The following ST6GAL2 variants were observed in gnomAD, a reference collection of about 807,000 sequenced individuals.
ST6GAL2 encodes beta-galactoside alpha-2,6-sialyltransferase 2.
ST6GAL2 carries 24 observed loss-of-function variants against 37.5 expected under a neutral mutation model. That is an observed-to-expected ratio of 0.64 (90% CI 0.46 to 0.90). The LOEUF is 0.90. Ranked by LOEUF, ST6GAL2 falls within the 40% of genes least tolerant of loss-of-function variation. The pLI, the probability that ST6GAL2 is intolerant of heterozygous loss-of-function variation, is 0.00. For synonymous variants in ST6GAL2, 306 were observed against 295.1 expected (o/e 1.04, Z -0.38); for missense variants, 715 against 712.7 (o/e 1.00, Z -0.04).
intron 1 of ST6GAL2, 53 bp downstream of exon 1, chr2:106,886,040 T>C (rs569486622): frequency 1.3e-4 from 20 of 152,352 alleles, no homozygotes; most frequent in African/African-American, 4.6e-4. Context: ...GCGCGGAGGC[T>C]GCAGCGCCAC....
Position 106,845,966 on chromosome 2 carries a change from T to C in ST6GAL2, c.-57-1932A>G, listed in dbSNP as rs1176554454. On this transcript the variant is annotated intron_variant, in intron 1 of 5. Transcript: ENST00000409382. Reference sequence around the variant, plus strand: ...ACATATCCCTAAGCTTAGCCCAGCATGCATCGAGGAAGCCCAAGCTAGGAA... The same window carrying C: ...ACATATCCCTAAGCTTAGCCCAGCACGCATCGAGGAAGCCCAAGCTAGGAA... Among the ~76,000 whole-genome samples, 5 of 152,268 alleles carry C rather than the reference T, an allele frequency of 3.3e-5. No individual in the cohort carries two copies. In the East Asian group the frequency reaches 9.7e-4, roughly 29 times the overall value.
At chr2:106,827,773 C>T (rs748904107) in intron 5 of ST6GAL2, among the ~76,000 whole-genome samples, 2 of 152,166 alleles carry the variant, frequency 1.3e-5, no homozygotes, top group Non-Finnish European at 2.9e-5. Flanking sequence ...AAAAGGTTTC[C>T]TCTTATTCAG....
At chr2:106,831,648 T>G (rs187307174) in intron 4 of ST6GAL2, among the ~76,000 whole-genome samples, 1 of 152,304 alleles carries the variant, frequency 6.6e-6, no homozygotes, top group East Asian at 1.9e-4. Context: ...GATTTTGACT[T>G]GCACTCCTGG....
chr2:106,808,628 C>A (rs935293101), intron 5 of ST6GAL2, among the ~76,000 whole-genome samples: 1 of 152,088 alleles, frequency 6.6e-6, no homozygotes. Flanking sequence ...GGAAGCAGTA[C>A]CCCCCAGATG....
At chr2:106,830,337 G>T in intron 4 of ST6GAL2, 97 bp from the exon 5 acceptor site, 2 of 942,332 alleles carry the variant, frequency 2.1e-6, no homozygotes, top group South Asian at 1.5e-5. Flanking sequence ...GGGCCAGGCT[G>T]GGGCTAGAGG....
intron 1 of ST6GAL2, among the ~76,000 whole-genome samples, chr2:106,871,269 C>T (rs1678256231): frequency 6.6e-6 from 1 of 152,160 alleles, no homozygotes; most frequent in African/African-American, 2.4e-5. Flanking sequence ...AATGGAACTT[C>T]CATGACTAGA....
At chr2:106,813,428 T>C (rs962026873) in intron 5 of ST6GAL2, among the ~76,000 whole-genome samples, 3 of 152,214 alleles carry the variant, frequency 2.0e-5, no homozygotes, top group African/African-American at 7.2e-5. Flanking sequence ...TGGGCACTTA[T>C]TTATTTGCTC....
At chr2:106,829,437 A>G (rs1487716584) in intron 5 of ST6GAL2, among the ~76,000 whole-genome samples, 2 of 152,198 alleles carry the variant, frequency 1.3e-5, no homozygotes, top group African/African-American at 4.8e-5. Context: ...AAGAAAGACT[A>G]TGTGCAGGCA....
chr2:106,843,620 A>AT lies in ST6GAL2; in HGVS notation c.357dup (p.Ser120IlefsTer10). The stretch of plus-strand genomic sequence containing the variant: ...TCCTCCGGGTAGAAAGCACTTTGAG[A>AT]TTTTCTCCCCACCTGGGATGAAAAA... On this transcript the variant is annotated frameshift_variant, in exon 2 of 6. Transcript: ENST00000409382. LOFTEE classifies it high-confidence loss of function. The AT allele has an allele frequency of 6.2e-7, 1 of 1,613,770 alleles. No homozygotes were observed. The highest frequency in any genetic ancestry group is 8.5e-7 in the Non-Finnish European group (1 of 1,179,986).
upstream of ST6GAL2, chr2:106,886,752 C>T (rs555900678): frequency 6.6e-6 from 1 of 152,040 alleles, no homozygotes; most frequent in Non-Finnish European, 1.5e-5. Flanking sequence ...GAGCCGGGCA[C>T]TGGGAAGTTG....
chr2:106,885,675 A>G (rs1309799491), intron 1 of ST6GAL2, among the ~76,000 whole-genome samples: 3 of 152,170 alleles, frequency 2.0e-5, no homozygotes, highest in African/African-American at 7.2e-5. Flanking sequence ...TGCCAACTAC[A>G]TAAGAATTAA....
intron 1 of ST6GAL2, among the ~76,000 whole-genome samples, chr2:106,865,227 A>G (rs529460140): frequency 1.8e-4 from 28 of 152,322 alleles, no homozygotes; most frequent in Admixed American, 5.9e-4. Context: ...AAATCTCCTG[A>G]AAAGGTACAA....
intron 5 of ST6GAL2, among the ~76,000 whole-genome samples, chr2:106,810,936 A>G (rs1675584988): frequency 6.8e-6 from 1 of 147,508 alleles, no homozygotes; most frequent in South Asian, 2.2e-4. Context: ...TCACTGAGCG[A>G]CAGAGTGGCA....
At chr2:106,883,601 G>C (rs1000256991) in intron 1 of ST6GAL2, among the ~76,000 whole-genome samples, 1 of 152,072 alleles carries the variant, frequency 6.6e-6, no homozygotes, top group Admixed American at 6.6e-5. Context: ...TGAGATTTCA[G>C]ATTTCAATGC....
chr2:106,844,770 G>T (rs1261006765), intron 1 of ST6GAL2, among the ~76,000 whole-genome samples: 1 of 152,180 alleles, frequency 6.6e-6, no homozygotes, highest in Non-Finnish European at 1.5e-5. Flanking sequence ...AATAGGAGGA[G>T]AGATGGGGAG....
At chr2:106,879,815 T>C (rs988203686) in intron 1 of ST6GAL2, among the ~76,000 whole-genome samples, 3 of 147,790 alleles carry the variant, frequency 2.0e-5, no homozygotes, top group Non-Finnish European at 4.5e-5. Flanking sequence ...AATTATATAC[T>C]ATTATATATA....
At chr2:106,837,801 C>T (rs1411237081) in intron 2 of ST6GAL2, among the ~76,000 whole-genome samples, 1 of 152,196 alleles carries the variant, frequency 6.6e-6, no homozygotes, top group Non-Finnish European at 1.5e-5. Flanking sequence ...TGCCCATTGT[C>T]TTATTGTGGA....
chr2:106,878,105 CCCA>C (rs1678583663), intron 1 of ST6GAL2, among the ~76,000 whole-genome samples: 1 of 152,236 alleles, frequency 6.6e-6, no homozygotes, highest in Admixed American at 6.5e-5. Context: ...ACAGATGCCA[CCCA>C]CCACGACTCA....
intron 1 of ST6GAL2, among the ~76,000 whole-genome samples, chr2:106,878,604 G>C (rs1256872590): frequency 2.0e-5 from 3 of 152,006 alleles, no homozygotes; most frequent in African/African-American, 7.2e-5. Flanking sequence ...CTCTCAAATA[G>C]AAATAAAAAA....
Sources: gnomAD v4.1 joint callset for allele counts (sites outside exome capture counted in the v4.1 genomes callset) on GRCh38, gnomAD v4.1.1 for gene constraint, MANE v1.5 for transcripts, NCBI Gene and HGNC (gene_info 2026-07-23, HGNC 2026-07-21) for gene names.